The following EPS8 variants were observed in gnomAD, a reference collection of about 807,000 sequenced individuals.
The protein encoded by EPS8 is EGFR pathway substrate 8, signaling adaptor, also known as epidermal growth factor receptor kinase substrate 8.
EPS8 carries 42 observed loss-of-function variants against 103.8 expected under a neutral mutation model. The ratio of observed to expected loss-of-function variants is 0.40; its 90% CI spans 0.32 to 0.52. The LOEUF is 0.52. Ranked by LOEUF, EPS8 falls within the 20% of genes least tolerant of loss-of-function variation. The pLI, the probability that EPS8 is intolerant of heterozygous loss-of-function variation, is 0.40. For synonymous variants in EPS8, 344 were observed against 344.6 expected, an observed-to-expected ratio of 1.00 and a Z score of 0.02; for missense variants, 969 against 1,005.1, an observed-to-expected ratio of 0.96 and a Z score of 0.49.
intron 17 of EPS8, among the ~76,000 whole-genome samples, chr12:15,637,570 C>A (rs906702068): frequency 6.6e-6 from 1 of 152,196 alleles, no homozygotes; most frequent in Non-Finnish European, 1.5e-5. Flanking sequence ...GCACTGGCCA[C>A]GGGCATATCT....
rs1207727428 is a variant in EPS8, at chr12:15,720,770, C to G, written c.-21-37798G>C. On this transcript the variant is annotated intron_variant, in intron 1 of 20. Coordinates refer to ENST00000281172, the MANE Select transcript of EPS8 (RefSeq NM_004447.6). Reference sequence around the variant, plus strand: ...TTCTATGACCTCCTTGCTCACTTTGCCCCAGCTGTGGACTCCCTGGGCATG... The same window carrying G: ...TTCTATGACCTCCTTGCTCACTTTGGCCCAGCTGTGGACTCCCTGGGCATG... Among the ~76,000 whole-genome samples, 2 of 152,112 alleles carry G rather than the reference C, an allele frequency of 1.3e-5. 1 individual carries two copies. The highest frequency in any genetic ancestry group is 2.9e-5 in the Non-Finnish European group (2 of 68,024).
In EPS8 at chr12:15,779,013, T is replaced by C. The variant is rs1330832881; in HGVS notation, c.-22+10148A>G. On this transcript the variant is annotated intron_variant, in intron 1 of 20. Coordinates refer to ENST00000281172, the MANE Select transcript of EPS8 (RefSeq NM_004447.6). The surrounding 1 kb of genome is among the most constrained non-coding windows in gnomAD (Gnocchi z 4.3). ...TCTTTTTGAGATGGAGTTTCACTCT[T>C]GTTGCCCAGGCTGGAGTGCAATGGC... Among the ~76,000 whole-genome samples, 1 of 152,096 alleles carries C rather than the reference T, an allele frequency of 6.6e-6. No individual in the cohort carries two copies. The highest frequency in any genetic ancestry group is 1.9e-4 in the East Asian group (1 of 5,194).
intron 6 of EPS8, among the ~76,000 whole-genome samples, chr12:15,667,900 T>C (rs1023660457): frequency 1.3e-5 from 2 of 152,130 alleles, no homozygotes; most frequent in East Asian, 1.9e-4. Flanking sequence ...TACCATTCCA[T>C]ATCAAGTAAA....
chr12:15,643,850 T>C (rs1178776833), intron 15 of EPS8, among the ~76,000 whole-genome samples: 1 of 151,406 alleles, frequency 6.6e-6, no homozygotes, highest in Non-Finnish European at 1.5e-5. Context: ...CGCCACTTGA[T>C]AGAGAGCAGA....
At position 15,731,758 on chromosome 12, in the gene EPS8, C is replaced by G. The variant is rs1946718778; in HGVS notation, c.-21-48786G>C. Among the ~76,000 whole-genome samples, 2 of 152,154 alleles carry G rather than the reference C, an allele frequency of 1.3e-5. No homozygotes were observed. Among genetic ancestry groups the G allele is most frequent in the Admixed American group, 1.3e-4 (2 of 15,270 alleles). ...AGGGTCAATAATTTCAATCATCCCCCAAACTGGCAGCAAAAAGCTGTTCAG... is the reference window on the plus strand; with the variant it reads ...AGGGTCAATAATTTCAATCATCCCCGAAACTGGCAGCAAAAAGCTGTTCAG... On this transcript the variant is annotated intron_variant, in intron 1 of 20. Transcript: ENST00000281172. This position sits in a 1 kb window ranked among gnomAD's most constrained non-coding sequence, Gnocchi z 5.1.
At chr12:15,636,626 A>G (rs570203449) in intron 17 of EPS8, among the ~76,000 whole-genome samples, 1 of 152,316 alleles carries the variant, frequency 6.6e-6, no homozygotes, top group South Asian at 2.1e-4. Context: ...AGAAACTGCC[A>G]TTATTTATAT....
intron 1 of EPS8, among the ~76,000 whole-genome samples, chr12:15,715,869 C>A (rs1476787787): frequency 1.3e-5 from 2 of 148,558 alleles, no homozygotes; most frequent in Admixed American, 6.7e-5. Flanking sequence ...CAAACTGCAA[C>A]AGAAGGACAT....
In EPS8 at chr12:15,690,837, A is replaced by C. The variant is rs10846232; in HGVS notation, c.-21-7865T>G. ...TAACATTTTGCCCACAAAGATAAAA[A>C]TGCACTCTTTTCAAAATAGTATTTT... is the stretch of plus-strand genomic sequence containing the variant. On this transcript the variant is annotated intron_variant, in intron 1 of 20. Coordinates refer to ENST00000281172, the MANE Select transcript of EPS8 (RefSeq NM_004447.6). The surrounding 1 kb of genome is among the most constrained non-coding windows in gnomAD (Gnocchi z 4.7). Among the ~76,000 whole-genome samples, 24,819 of 152,180 alleles carry C rather than the reference A, an allele frequency of 0.16. 2,772 individuals are homozygous for C. Among genetic ancestry groups the C allele is most frequent in the Admixed American group, 0.34 (5,218 of 15,284 alleles).
rs892426552 is a variant in EPS8 at position 15,698,743 on chromosome 12, A to C, written c.-21-15771T>G. On this transcript the variant is annotated intron_variant, in intron 1 of 20. Transcript: ENST00000281172. This position sits in a 1 kb window ranked among gnomAD's most constrained non-coding sequence, Gnocchi z 4.9. ...CCAGGATGCCAGTTTGAAATTTAGG[A>C]GATAGGAGATTCAGTGTTTACAAGA... is the stretch of plus-strand genomic sequence containing the variant. Among the ~76,000 whole-genome samples the C allele has an allele frequency of 2.0e-5, 3 of 152,090 alleles. No homozygotes were observed. Among genetic ancestry groups the C allele is most frequent in the Admixed American group, 6.6e-5 (1 of 15,252 alleles).
chr12:15,732,422 T>C (rs1376795970), intron 1 of EPS8, among the ~76,000 whole-genome samples: 1 of 152,176 alleles, frequency 6.6e-6, no homozygotes, highest in Non-Finnish European at 1.5e-5. Flanking sequence ...TGCTCCACAA[T>C]GTACGAGGCA....
chr12:15,685,768 T>C (rs1489615612), intron 1 of EPS8, among the ~76,000 whole-genome samples: 2 of 152,174 alleles, frequency 1.3e-5, no homozygotes, highest in Non-Finnish European at 2.9e-5. Flanking sequence ...AGGAAACAAT[T>C]ACAAATGTTT....
intron 1 of EPS8, among the ~76,000 whole-genome samples, chr12:15,694,668 C>T (rs890572406): frequency 6.6e-6 from 1 of 152,070 alleles, no homozygotes; most frequent in Non-Finnish European, 1.5e-5. Flanking sequence ...GATATTTGTA[C>T]ATTAGTTTTA....
At chr12:15,650,395 G>A (rs1319853809) in intron 14 of EPS8, among the ~76,000 whole-genome samples, 1 of 152,208 alleles carries the variant, frequency 6.6e-6, no homozygotes, top group East Asian at 1.9e-4. Context: ...GGAAACAGCT[G>A]CTTAAGACAG....
At chr12:15,675,234 A>G (rs1041495315) in intron 3 of EPS8, among the ~76,000 whole-genome samples, 1 of 152,210 alleles carries the variant, frequency 6.6e-6, no homozygotes, top group African/African-American at 2.4e-5. Context: ...TGAGAAGAAA[A>G]TACAAAGATA....
At position 15,742,220 on chromosome 12, in the gene EPS8, T is replaced by C. The variant is rs181506692; in HGVS notation, c.-22+46941A>G. On this transcript the variant is annotated intron_variant, in intron 1 of 20. Coordinates refer to ENST00000281172, the MANE Select transcript of EPS8 (RefSeq NM_004447.6). ...GCAGCATGATTTATAATCCTTTGGG[T>C]ACATACCCAGTAATGGGATGGCTGG... 5.8e-3 allele frequency among the ~76,000 whole-genome samples: 891 copies of C among 152,320 alleles called. 3 individuals carry two copies. The highest frequency in any genetic ancestry group is 8.1e-3 in the Non-Finnish European group (551 of 68,026).
chr12:15,729,231 T>G (rs1456510662), intron 1 of EPS8, among the ~76,000 whole-genome samples: 1 of 152,224 alleles, frequency 6.6e-6, no homozygotes, highest in Non-Finnish European at 1.5e-5. Flanking sequence ...GTAGATTTTT[T>G]GGTGTTTGTC....
At chr12:15,744,844 AAACTT>A (rs951592695) in intron 1 of EPS8, among the ~76,000 whole-genome samples, 2 of 152,192 alleles carry the variant, frequency 1.3e-5, no homozygotes, top group African/African-American at 4.8e-5. Flanking sequence ...ACTAGCCTAA[AAACTT>A]AACTGTCCAT....
rs1485602303 is a variant in EPS8, at chr12:15,684,347, A to G, written c.-21-1375T>C. ...CTATCAGACACTCTCCATACTATAG[A>G]CAATTTTTCAAAGCATTTATCACAT... On this transcript the variant is annotated intron_variant, in intron 1 of 20. Transcript: ENST00000281172. This position sits in a 1 kb window ranked among gnomAD's most constrained non-coding sequence, Gnocchi z 4.9. The G allele has an allele frequency of 6.6e-6, 1 of 152,146 alleles. No individual in the cohort carries two copies. Among genetic ancestry groups the G allele is most frequent in the African/African-American group, 2.4e-5 (1 of 41,434 alleles). The allele number at this position is 152,146 out of a possible 1,614,324, so 9.4% of individuals were successfully genotyped here. A position where few individuals can be genotyped will look rare whatever the true frequency, so the allele number is the denominator to read the frequency against.
chr12:15,709,008 A>G (rs149364124), intron 1 of EPS8, among the ~76,000 whole-genome samples: 74 of 152,316 alleles, frequency 4.9e-4, no homozygotes, highest in African/African-American at 1.3e-3. Context: ...GCCATGCCAC[A>G]CTTGTTTAGA....
Sources: allele counts gnomAD v4.1 joint callset (sites outside exome capture counted in the v4.1 genomes callset), GRCh38; gene constraint gnomAD v4.1.1; non-coding constraint Gnocchi (gnomAD v3.1); transcripts MANE v1.5; gene names NCBI Gene and HGNC (gene_info 2026-07-23, HGNC 2026-07-21).